The following PTBP3 variants were observed in gnomAD, a reference collection of about 807,000 sequenced individuals.
PTBP3 encodes the protein polypyrimidine tract-binding protein 3.
Under a neutral mutation model 58.7 loss-of-function variants are expected in PTBP3, and 20 were observed. That is an observed-to-expected ratio of 0.34 (90% confidence interval 0.24 to 0.50). PTBP3 has a LOEUF of 0.50. PTBP3 is among the 20% of genes least tolerant of loss of function. The pLI, the probability that PTBP3 is intolerant of heterozygous loss-of-function variation, is 0.98. For synonymous variants in PTBP3, 185 were observed against 219.8 expected (o/e 0.84, Z 1.40); for missense variants, 509 against 637.2 (o/e 0.80, Z 2.17).
In PTBP3 at chr9:112,297,784, A is replaced by G; in HGVS notation, c.34+48T>C. 2.1e-6 allele frequency: 3 copies of G among 1,428,718 alleles called. No individual in the cohort carries two copies. The African/African-American group carries it at 4.4e-5, about 21-fold the overall frequency. 88.5% of individuals were successfully genotyped at this position (1,428,718 alleles called of 1,614,324 possible). On this transcript the variant is annotated intron_variant, in intron 2 of 13. Transcript: ENST00000374257. ...AAAATAAGAGCATTGTAAAAAAACAATTTGAAACCCACAGAAATCAAATAT... is the reference window on the plus strand; with the variant it reads ...AAAATAAGAGCATTGTAAAAAAACAGTTTGAAACCCACAGAAATCAAATAT...
intron 1 of PTBP3, among the ~76,000 whole-genome samples, chr9:112,303,064 C>G (rs1829021254): frequency 1.3e-5 from 2 of 152,140 alleles, no homozygotes; most frequent in Non-Finnish European, 2.9e-5. Flanking sequence ...GTTACTGAAT[C>G]AAGTCTAAAT....
chr9:112,231,974 GAGA>G (rs1564391434), intron 9 of PTBP3, 122 bp downstream of exon 9: 13,482 of 376,704 alleles, frequency 0.036, 219 homozygotes, highest in Admixed American at 0.083. Context: ...GAAGAGAGAA[GAGA>G]AGAGAAGAGA....
At chr9:112,233,277 GT>G (rs1835315632) in intron 8 of PTBP3, among the ~76,000 whole-genome samples, 34 of 14,490 alleles carry the variant, frequency 2.3e-3, no homozygotes, top group African/African-American at 4.6e-3. Flanking sequence ...TGTAGGGTGT[GT>G]GTGTGTGTGT....
chr9:112,316,983 A>AT (rs1196707611), intron 1 of PTBP3, among the ~76,000 whole-genome samples: 10 of 150,828 alleles, frequency 6.6e-5, no homozygotes, highest in Non-Finnish European at 1.3e-4. Context: ...AAAAAAAAAA[A>AT]ACAGTAAAGA....
intron 1 of PTBP3, among the ~76,000 whole-genome samples, chr9:112,298,818 T>A (rs1273934470): frequency 1.3e-5 from 2 of 152,176 alleles, no homozygotes; most frequent in Admixed American, 1.3e-4. Context: ...TATATCTATA[T>A]AATAGAAATA....
intron 5 of PTBP3, among the ~76,000 whole-genome samples, chr9:112,256,298 T>TATAA (rs1564409873): frequency 2.8e-5 from 2 of 71,142 alleles, no homozygotes; most frequent in African/African-American, 2.1e-4. Context: ...TATATACATA[T>TATAA]ATATATATAT....
intron 1 of PTBP3, among the ~76,000 whole-genome samples, chr9:112,318,999 T>C (rs1454176374): frequency 6.6e-6 from 1 of 151,230 alleles, no homozygotes; most frequent in African/African-American, 2.4e-5. Context: ...TGGTGACACA[T>C]GCCTGTAATC....
At chr9:112,349,531 C>T in the PTBP3 span, among the ~76,000 whole-genome samples, 1 of 152,014 alleles carries the variant, frequency 6.6e-6, no homozygotes, top group Non-Finnish European at 1.5e-5. Flanking sequence ...GACTTGAACC[C>T]TTAACCTGTG....
At chr9:112,376,197 ACGTGTGTGTGTGTGTGTGTG>A in the PTBP3 span, among the ~76,000 whole-genome samples, 89 of 112,142 alleles carry the variant, frequency 7.9e-4, no homozygotes, top group Non-Finnish European at 1.2e-3. Context: ...TTCCTTATAT[ACGTGTGTGTGTGTGTGTGTG>A]TGTGTGTGTG....
At chr9:112,354,564 CTG>C in the PTBP3 span, among the ~76,000 whole-genome samples, 2 of 152,198 alleles carry the variant, frequency 1.3e-5, no homozygotes, top group African/African-American at 4.8e-5. Context: ...CATATTGCCT[CTG>C]TTCTGGAGCA....
the PTBP3 span, among the ~76,000 whole-genome samples, chr9:112,341,861 T>G: frequency 9.9e-5 from 15 of 152,212 alleles, no homozygotes; most frequent in African/African-American, 3.4e-4. Context: ...TTCCCTGAAT[T>G]CCTTTAGAAT....
At position 112,258,948 on chromosome 9, in the gene PTBP3, G is replaced by A. The variant is rs531716106; in HGVS notation, c.516+3487C>T. Among the ~76,000 whole-genome samples the A allele has an allele frequency of 2.0e-5, 3 of 152,262 alleles. No individual in the cohort carries two copies. The East Asian group carries it at 5.8e-4, about 29-fold the overall frequency. ...AAGAGCCTCCACTTAACCCTATACA[G>A]CTTATTTTTTTGGAGGATGGGGAGG... is the stretch of plus-strand genomic sequence containing the variant. On this transcript the variant is annotated intron_variant, in intron 5 of 13. Transcript: ENST00000374257.
chr9:112,316,561 C>A (rs1335604211), intron 1 of PTBP3, among the ~76,000 whole-genome samples: 2 of 152,178 alleles, frequency 1.3e-5, no homozygotes, highest in East Asian at 3.8e-4. Flanking sequence ...ACCCAAGTAA[C>A]CCACGCCCAG....
At chr9:112,334,894 G>T (rs886150623), upstream of PTBP3, among the ~76,000 whole-genome samples, 4 of 152,182 alleles carry the variant, frequency 2.6e-5, no homozygotes, top group Admixed American at 2.6e-4. Flanking sequence ...GTAATTCGGT[G>T]AGGTAATTCT....
chr9:112,285,493 T>C (rs922361175), intron 2 of PTBP3, among the ~76,000 whole-genome samples: 1 of 152,206 alleles, frequency 6.6e-6, no homozygotes, highest in Non-Finnish European at 1.5e-5. Flanking sequence ...AACTGTTCTA[T>C]ACTGTCAATT....
At chr9:112,370,236 TAA>T in the PTBP3 span, among the ~76,000 whole-genome samples, 2 of 152,160 alleles carry the variant, frequency 1.3e-5, no homozygotes, top group East Asian at 3.8e-4. Context: ...AACCTTATAG[TAA>T]GTTTTAAAAT....
chr9:112,281,232 C>T (rs1020564598), intron 2 of PTBP3: 2 of 207,842 alleles, frequency 9.6e-6, no homozygotes, highest in Admixed American at 4.3e-5. Context: ...AACTTTCATG[C>T]TAACTGGCTG....
intron 7 of PTBP3, among the ~76,000 whole-genome samples, chr9:112,236,033 G>C (rs1031531078): frequency 2.0e-5 from 3 of 152,038 alleles, no homozygotes; most frequent in African/African-American, 4.8e-5. Flanking sequence ...AACCTCAAAG[G>C]GGGGAGTTTG....
intron 1 of PTBP3, among the ~76,000 whole-genome samples, chr9:112,312,382 C>T (rs1169741382): frequency 6.6e-6 from 1 of 150,992 alleles, no homozygotes; most frequent in Admixed American, 6.6e-5. Flanking sequence ...CTGTGGTCCC[C>T]AGCTGTTCAA....
Sources: gnomAD v4.1 joint callset for allele counts (sites outside exome capture counted in the v4.1 genomes callset) on GRCh38, gnomAD v4.1.1 for gene constraint, MANE v1.5 for transcripts, NCBI Gene and HGNC (gene_info 2026-07-23, HGNC 2026-07-21) for gene names.